COL24A1: variants seen among roughly 807,000 people sequenced by gnomAD.
COL24A1 encodes collagen alpha-1(XXIV) chain.
Under a neutral mutation model 253.9 loss-of-function variants are expected in COL24A1, and 224 were observed. The observed-to-expected ratio is 0.88, with a 90% confidence interval of 0.79 to 0.99. The LOEUF (loss-of-function observed/expected upper bound fraction) is 0.99. COL24A1 is among the 50% of genes least tolerant of loss of function. The pLI is 0.00. For synonymous variants in COL24A1, 685 were observed against 673.7 expected (o/e 1.02, Z -0.26); for missense variants, 2,131 against 2,068.5 (o/e 1.03, Z -0.59).
At chr1:86,093,084 C>G (rs1703623392) in intron 5 of COL24A1, among the ~76,000 whole-genome samples, 1 of 151,996 alleles carries the variant, frequency 6.6e-6, no homozygotes, top group South Asian at 2.1e-4. Context: ...ATAAATAATT[C>G]TCCTTCCTAG....
chr1:86,086,888 G>A (rs1703103154), intron 7 of COL24A1, among the ~76,000 whole-genome samples: 1 of 152,112 alleles, frequency 6.6e-6, no homozygotes, highest in Non-Finnish European at 1.5e-5. Context: ...TCAAAAATCT[G>A]TATATAGTTT....
chr1:85,871,058 T>C (rs915787797), intron 35 of COL24A1, among the ~76,000 whole-genome samples: 1 of 152,144 alleles, frequency 6.6e-6, no homozygotes, highest in Non-Finnish European at 1.5e-5. Context: ...CATCAGAGAA[T>C]ACTACAAACA....
At chr1:85,737,241 A>T (rs1187204607) in intron 58 of COL24A1, among the ~76,000 whole-genome samples, 155 bp downstream of exon 58, 2 of 152,234 alleles carry the variant, frequency 1.3e-5, no homozygotes, top group South Asian at 4.1e-4. Flanking sequence ...AACTAGTTTT[A>T]AAAAATAACA....
At chr1:85,808,753 G>A (rs753341979) in intron 47 of COL24A1, among the ~76,000 whole-genome samples, 9 of 152,320 alleles carry the variant, frequency 5.9e-5, no homozygotes, top group East Asian at 1.9e-4. Context: ...CTCCCTGCCC[G>A]TTGCACAGAC....
chr1:86,144,639 T>C (rs1428784301), intron 2 of COL24A1, among the ~76,000 whole-genome samples: 1 of 152,174 alleles, frequency 6.6e-6, no homozygotes, highest in Non-Finnish European at 1.5e-5. Context: ...CTTCTCTTCC[T>C]TATCTTCTCT....
chr1:86,106,429 C>T (rs1019706887), intron 5 of COL24A1, among the ~76,000 whole-genome samples: 1 of 152,070 alleles, frequency 6.6e-6, no homozygotes, highest in African/African-American at 2.4e-5. Context: ...TAATATAAGA[C>T]ATGAATGTTT....
At chr1:86,099,919 C>T (rs13374196) in intron 5 of COL24A1, among the ~76,000 whole-genome samples, 2,011 of 152,080 alleles carry the variant, frequency 0.013, 49 homozygotes, top group African/African-American at 0.046. Flanking sequence ...GAATAAAATC[C>T]GACCAAAATC....
chr1:85,868,223 T>C (rs1432928158), intron 37 of COL24A1, among the ~76,000 whole-genome samples: 2 of 152,186 alleles, frequency 1.3e-5, no homozygotes, highest in Non-Finnish European at 2.9e-5. Context: ...ATGTCAGTTA[T>C]AGGAATAAAG....
chr1:85,892,804 T>A (rs2102768966), intron 31 of COL24A1, among the ~76,000 whole-genome samples: 1 of 152,130 alleles, frequency 6.6e-6, no homozygotes, highest in Non-Finnish European at 1.5e-5. Context: ...TTGTGGCACT[T>A]CACAATAAAA....
chr1:85,881,138 G>T (rs1681787171), intron 32 of COL24A1, among the ~76,000 whole-genome samples: 1 of 152,080 alleles, frequency 6.6e-6, no homozygotes, highest in African/African-American at 2.4e-5. Flanking sequence ...ATGTTTAGTT[G>T]AATTCACCAA....
chr1:85,952,262 C>T (rs148333262), intron 24 of COL24A1, among the ~76,000 whole-genome samples: 47 of 152,090 alleles, frequency 3.1e-4, no homozygotes, highest in African/African-American at 9.6e-4. Flanking sequence ...TGAACATGCG[C>T]ACATAAAGAA....
At chr1:85,834,253 G>T (rs1675737210) in intron 43 of COL24A1, among the ~76,000 whole-genome samples, 1 of 151,852 alleles carries the variant, frequency 6.6e-6, no homozygotes, top group Non-Finnish European at 1.5e-5. Context: ...TAGGGGTATG[G>T]GGAAGAAAAA....
intron 53 of COL24A1, among the ~76,000 whole-genome samples, chr1:85,771,140 A>G (rs1667914004): frequency 6.6e-6 from 1 of 152,118 alleles, no homozygotes; most frequent in African/African-American, 2.4e-5. Flanking sequence ...TCTGGGTTAC[A>G]TGTGCAGAAC....
intron 42 of COL24A1, 127 bp downstream of exon 42, chr1:85,841,092 CCCT>C (rs1367884880): frequency 3.1e-6 from 2 of 638,874 alleles, no homozygotes; most frequent in Non-Finnish European, 5.4e-6. Context: ...ATAAATATCA[CCCT>C]CCTATCAAAC....
At chr1:86,065,787 C>T (rs1335380050) in intron 7 of COL24A1, among the ~76,000 whole-genome samples, 4 of 146,540 alleles carry the variant, frequency 2.7e-5, no homozygotes. Context: ...GAGAGACAAG[C>T]TGGGCCAATA....
intron 55 of COL24A1, among the ~76,000 whole-genome samples, chr1:85,754,775 G>C (rs1429816885): frequency 6.6e-6 from 1 of 151,782 alleles, no homozygotes; most frequent in Admixed American, 6.6e-5. Context: ...AGATTATCCT[G>C]TTTGAGGAGT....
intron 40 of COL24A1, 32 bp from the exon 41 acceptor site, chr1:85,842,153 C>T (rs1676682426): frequency 1.3e-6 from 2 of 1,591,162 alleles, no homozygotes; most frequent in Non-Finnish European, 1.7e-6. Flanking sequence ...TTTATACATG[C>T]TCTACCTAGA....
chr1:85,733,334 C>A (rs1222572623), intron 59 of COL24A1, among the ~76,000 whole-genome samples: 1 of 152,074 alleles, frequency 6.6e-6, no homozygotes, highest in Non-Finnish European at 1.5e-5. Context: ...CTCTAAAGGG[C>A]CAGATAGTAA....
At chr1:85,841,695 C>G (rs1034849602) in intron 41 of COL24A1, among the ~76,000 whole-genome samples, 3 of 152,070 alleles carry the variant, frequency 2.0e-5, no homozygotes, top group African/African-American at 7.2e-5. Flanking sequence ...TGAGTCCAAC[C>G]TGGGCAACAG....
Sources: allele counts gnomAD v4.1 joint callset (sites outside exome capture counted in the v4.1 genomes callset), GRCh38; gene constraint gnomAD v4.1.1; transcripts MANE v1.5; gene names NCBI Gene and HGNC (gene_info 2026-07-23, HGNC 2026-07-21).